ZFHX3: variants seen among roughly 807,000 people sequenced by gnomAD.
The protein encoded by ZFHX3 is zinc finger homeobox 3.
In ZFHX3, 42 loss-of-function variants were observed where a neutral mutation model predicts 279.1. That is an observed-to-expected ratio of 0.15 (90% CI 0.12 to 0.19). ZFHX3 has a LOEUF of 0.19. Among genes scored for constraint, ZFHX3 ranks in the 10% least tolerant of loss-of-function variants. The pLI is 1.00. For synonymous variants in ZFHX3, 2,293 were observed against 1,957.8 expected (o/e 1.17, Z -4.52); for missense variants, 4,981 against 4,754.0 (o/e 1.05, Z -1.40).
intron 1 of ZFHX3, among the ~76,000 whole-genome samples, chr16:73,688,656 C>A (rs994286474): frequency 6.6e-6 from 1 of 152,132 alleles, no homozygotes; most frequent in Non-Finnish European, 1.5e-5. Flanking sequence ...TTAGAAGTTA[C>A]CCAGTGTAAG....
At chr16:72,981,610 G>C (rs1391870746) in intron 1 of ZFHX3, among the ~76,000 whole-genome samples, 1 of 152,168 alleles carries the variant, frequency 6.6e-6, no homozygotes, top group African/African-American at 2.4e-5. Flanking sequence ...AATTGGGCTG[G>C]TTCTCTAGTG....
intron 2 of ZFHX3, among the ~76,000 whole-genome samples, chr16:73,617,199 T>C (rs2052313850): frequency 6.6e-6 from 1 of 152,188 alleles, no homozygotes; most frequent in Non-Finnish European, 1.5e-5. Context: ...AGGGGCCCTA[T>C]CATTAGCTGT....
At chr16:73,604,771 CAGGA>C (rs2052160584) in intron 2 of ZFHX3, among the ~76,000 whole-genome samples, 1 of 150,822 alleles carries the variant, frequency 6.6e-6, no homozygotes, top group African/African-American at 2.4e-5. Flanking sequence ...CTCCCATGAT[CAGGA>C]GTTGCTGGTT....
chr16:73,088,496 G>T (rs1966036036), intron 8 of ZFHX3, among the ~76,000 whole-genome samples: 1 of 152,104 alleles, frequency 6.6e-6, no homozygotes, highest in Admixed American at 6.6e-5. Flanking sequence ...CTCCATGATT[G>T]CATGAAGCCT....
At chr16:73,191,691 C>A (rs1480464018) in intron 5 of ZFHX3, among the ~76,000 whole-genome samples, 1 of 152,052 alleles carries the variant, frequency 6.6e-6, no homozygotes. Context: ...CTCTCACCCA[C>A]GGCTCTTTCA....
At chr16:72,887,342 G>GAA (rs1374185857) in intron 4 of ZFHX3, among the ~76,000 whole-genome samples, 2 of 152,242 alleles carry the variant, frequency 1.3e-5, no homozygotes, top group East Asian at 3.9e-4. Context: ...TAGGTACCTA[G>GAA]AAAACCAGAG....
chr16:73,113,335 G>C (rs1966399467), intron 7 of ZFHX3, among the ~76,000 whole-genome samples: 1 of 152,128 alleles, frequency 6.6e-6, no homozygotes, highest in South Asian at 2.1e-4. Flanking sequence ...AAACTGGCCT[G>C]GGAAATTAAG....
chr16:73,312,172 T>C (rs2015343472), intron 4 of ZFHX3, among the ~76,000 whole-genome samples: 1 of 151,922 alleles, frequency 6.6e-6, no homozygotes, highest in African/African-American at 2.4e-5. Flanking sequence ...GTAAGGAGCT[T>C]GAAATTGTGT....
At chr16:73,591,433 C>A (rs910679778) in intron 2 of ZFHX3, among the ~76,000 whole-genome samples, 47 of 151,746 alleles carry the variant, frequency 3.1e-4, no homozygotes, top group Admixed American at 2.2e-3. Context: ...GTGGCTCATG[C>A]CTGTAATCCC....
chr16:73,341,075 G>A (rs962269982), intron 3 of ZFHX3, among the ~76,000 whole-genome samples: 2 of 152,238 alleles, frequency 1.3e-5, no homozygotes, highest in African/African-American at 4.8e-5. Flanking sequence ...GGATGCGGTG[G>A]CTCACACTTG....
At chr16:73,031,331 C>T (rs546839957) in intron 1 of ZFHX3, among the ~76,000 whole-genome samples, 79 of 152,126 alleles carry the variant, frequency 5.2e-4, no homozygotes, top group Middle Eastern at 3.4e-3. Flanking sequence ...TTCACACCAG[C>T]GAAGGAAGGA....
rs2035298672 is a variant in ZFHX3, at chr16:72,785,003, A to G, written c.*2161T>C. On this transcript the variant is annotated 3_prime_UTR_variant, in exon 10 of 10. Coordinates refer to ENST00000268489, the MANE Select transcript of ZFHX3 (RefSeq NM_006885.4). Reference sequence around the variant, plus strand: ...GATGAGTGGCTTCAGCACTGGGGAAAGAAGCCCGAAAGGTGACCAATGGAA... The same window carrying G: ...GATGAGTGGCTTCAGCACTGGGGAAGGAAGCCCGAAAGGTGACCAATGGAA... 6.6e-6 allele frequency: 1 copy of G among 152,658 alleles called. No homozygotes were observed. 9.5% of individuals were successfully genotyped at this position (152,658 alleles called of 1,614,324 possible).
chr16:73,503,132 C>G (rs938980365), intron 2 of ZFHX3, among the ~76,000 whole-genome samples: 1 of 152,202 alleles, frequency 6.6e-6, no homozygotes, highest in African/African-American at 2.4e-5. Context: ...GCATTCACAC[C>G]ACACGATCGG....
chr16:73,533,971 A>C (rs1345487072), intron 2 of ZFHX3, among the ~76,000 whole-genome samples: 1 of 152,124 alleles, frequency 6.6e-6, no homozygotes, highest in Admixed American at 6.6e-5. Context: ...CGTGCTGCCT[A>C]TTCTCAACCC....
chr16:73,731,904 G>A (rs1373442282), intron 1 of ZFHX3, among the ~76,000 whole-genome samples: 5 of 152,118 alleles, frequency 3.3e-5, no homozygotes, highest in Non-Finnish European at 5.9e-5. Flanking sequence ...TATTCTGAAT[G>A]GATAACAATT....
chr16:73,373,594 G>GA (rs2016670975), intron 3 of ZFHX3, among the ~76,000 whole-genome samples: 1 of 152,224 alleles, frequency 6.6e-6, no homozygotes, highest in African/African-American at 2.4e-5. Context: ...GATTGCCAAA[G>GA]AAAAATGAAA....
intron 2 of ZFHX3, among the ~76,000 whole-genome samples, chr16:73,497,105 A>G (rs1160405254): frequency 1.3e-5 from 2 of 151,976 alleles, no homozygotes; most frequent in Non-Finnish European, 2.9e-5. Context: ...TTTAAACTAA[A>G]CCCATATTAA....
At chr16:73,070,252 G>A (rs1197761830) in intron 8 of ZFHX3, among the ~76,000 whole-genome samples, 5 of 151,966 alleles carry the variant, frequency 3.3e-5, no homozygotes, top group African/African-American at 1.2e-4. Context: ...GTTTCCTAAT[G>A]TTGATAATTA....
chr16:73,795,618 A>T (rs940471675), intron 1 of ZFHX3, among the ~76,000 whole-genome samples: 1 of 152,100 alleles, frequency 6.6e-6, no homozygotes, highest in Non-Finnish European at 1.5e-5. Context: ...GCAGTACGAC[A>T]TGACAGGTGT....
Sources: gnomAD v4.1 joint callset for allele counts (sites outside exome capture counted in the v4.1 genomes callset) on GRCh38, gnomAD v4.1.1 for gene constraint, MANE v1.5 for transcripts, NCBI Gene and HGNC (gene_info 2026-07-23, HGNC 2026-07-21) for gene names.